The following RPS6KC1 variants were observed in gnomAD, a reference collection of about 807,000 sequenced individuals.
The protein encoded by RPS6KC1 is inactive ribosomal protein S6 kinase delta-1.
RPS6KC1 carries 54 observed loss-of-function variants against 103.8 expected under a neutral mutation model. That is an observed-to-expected ratio of 0.52 (90% CI 0.42 to 0.65). The LOEUF (loss-of-function observed/expected upper bound fraction) is 0.65. Among genes scored for constraint, RPS6KC1 ranks in the 30% least tolerant of loss-of-function variants. RPS6KC1 has a pLI of 0.00. For missense variants in RPS6KC1, 1,151 were observed against 1,253.8 expected, an observed-to-expected ratio of 0.92 and a Z score of 1.24; for synonymous variants, 439 against 438.7, an observed-to-expected ratio of 1.00 and a Z score of -0.01.
the RPS6KC1 span, among the ~76,000 whole-genome samples, chr1:213,363,947 G>A: frequency 7.4e-4 from 112 of 151,530 alleles, no homozygotes; most frequent in Middle Eastern, 6.8e-3. Flanking sequence ...GGAGGCTGAC[G>A]TTGAGTATTT....
the RPS6KC1 span, among the ~76,000 whole-genome samples, chr1:213,439,325 T>G: frequency 6.6e-6 from 1 of 150,444 alleles, no homozygotes; most frequent in Non-Finnish European, 1.5e-5. Flanking sequence ...CCACCCATGT[T>G]TTATAATTCT....
At chr1:213,147,081 T>C (rs2087945413) in intron 6 of RPS6KC1, among the ~76,000 whole-genome samples, 1 of 152,216 alleles carries the variant, frequency 6.6e-6, no homozygotes, top group African/African-American at 2.4e-5. Context: ...GAGCATCTTA[T>C]ATATTCTATT....
At chr1:213,466,324 C>T in the RPS6KC1 span, among the ~76,000 whole-genome samples, 123 of 152,198 alleles carry the variant, frequency 8.1e-4, no homozygotes, top group Middle Eastern at 6.8e-3. Context: ...TATGGGAATA[C>T]AAGCTGAATG....
intron 5 of RPS6KC1, among the ~76,000 whole-genome samples, chr1:213,127,462 T>A (rs2085108992): frequency 6.6e-6 from 1 of 152,234 alleles, no homozygotes; most frequent in African/African-American, 2.4e-5. Flanking sequence ...GCACTCTGCA[T>A]ACTGAACTAC....
At chr1:213,183,405 A>G (rs888905349) in intron 8 of RPS6KC1, among the ~76,000 whole-genome samples, 5 of 152,160 alleles carry the variant, frequency 3.3e-5, no homozygotes, top group Non-Finnish European at 5.9e-5. Context: ...CTAGGGCCGA[A>G]AAACCTCAAC....
chr1:213,055,665 T>C (rs1469415685), intron 1 of RPS6KC1, among the ~76,000 whole-genome samples: 1 of 152,232 alleles, frequency 6.6e-6, no homozygotes, highest in Admixed American at 6.5e-5. Flanking sequence ...TTCTGGCTAT[T>C]CTAGATTGTT....
chr1:213,751,772 A>C, the RPS6KC1 span, among the ~76,000 whole-genome samples: 1 of 152,250 alleles, frequency 6.6e-6, no homozygotes, highest in Non-Finnish European at 1.5e-5. Context: ...ATGAAGTAGA[A>C]ATACAAATTC....
the RPS6KC1 span, among the ~76,000 whole-genome samples, chr1:213,461,688 C>G: frequency 2.0e-5 from 3 of 152,042 alleles, no homozygotes. Flanking sequence ...GAAGGGATTC[C>G]CTACTTAATG....
the RPS6KC1 span, among the ~76,000 whole-genome samples, chr1:213,378,120 T>C: frequency 6.6e-6 from 1 of 152,188 alleles, no homozygotes; most frequent in African/African-American, 2.4e-5. Context: ...GGAACTGAGG[T>C]ACGCTGTTGT....
the RPS6KC1 span, among the ~76,000 whole-genome samples, chr1:213,805,805 C>G: frequency 6.6e-6 from 1 of 152,226 alleles, no homozygotes; most frequent in African/African-American, 2.4e-5. Flanking sequence ...AGGGGAATCA[C>G]TATCTGTGGC....
chr1:213,120,891 A>G (rs1359784613), intron 5 of RPS6KC1, among the ~76,000 whole-genome samples: 3 of 152,318 alleles, frequency 2.0e-5, no homozygotes, highest in Admixed American at 1.3e-4. Context: ...CTTAAAATGC[A>G]GTCAACAGAT....
chr1:213,744,746 G>A, the RPS6KC1 span, among the ~76,000 whole-genome samples: 3 of 152,220 alleles, frequency 2.0e-5, no homozygotes, highest in Admixed American at 6.5e-5. Flanking sequence ...GGAGAGACCC[G>A]TTCTCCTTTC....
chr1:213,347,906 CAT>C, the RPS6KC1 span, among the ~76,000 whole-genome samples: 1 of 152,088 alleles, frequency 6.6e-6, no homozygotes, highest in Non-Finnish European at 1.5e-5. Context: ...GGCAATAGGA[CAT>C]AGCCATCTTT....
At chr1:213,368,049 C>T in the RPS6KC1 span, among the ~76,000 whole-genome samples, 2 of 152,136 alleles carry the variant, frequency 1.3e-5, no homozygotes, top group African/African-American at 2.4e-5. Context: ...GAGATATAGC[C>T]GGAGACCTGG....
the RPS6KC1 span, among the ~76,000 whole-genome samples, chr1:213,335,801 AT>A: frequency 2.0e-3 from 298 of 152,310 alleles, 1 homozygote; most frequent in African/African-American, 7.0e-3. Flanking sequence ...ATCTCACCAT[AT>A]TTTGCTTATT....
the RPS6KC1 span, among the ~76,000 whole-genome samples, chr1:213,814,312 G>A: frequency 6.6e-6 from 1 of 152,246 alleles, no homozygotes; most frequent in East Asian, 1.9e-4. Flanking sequence ...ACCAACGGGA[G>A]CAGTAAACCT....
the RPS6KC1 span, among the ~76,000 whole-genome samples, chr1:213,813,750 G>A: frequency 6.6e-6 from 1 of 152,160 alleles, no homozygotes; most frequent in African/African-American, 2.4e-5. Flanking sequence ...CTTGGAAGTG[G>A]GGGAGCAGGG....
At chr1:213,790,749 G>A in the RPS6KC1 span, among the ~76,000 whole-genome samples, 2 of 152,100 alleles carry the variant, frequency 1.3e-5, no homozygotes. Flanking sequence ...TCACTGAAGT[G>A]GAAATATTTG....
At chr1:213,310,450 TC>T in the RPS6KC1 span, among the ~76,000 whole-genome samples, 7 of 152,204 alleles carry the variant, frequency 4.6e-5, no homozygotes, top group Non-Finnish European at 7.3e-5. Flanking sequence ...ACTTTTTTTT[TC>T]CCTCTGCCTG....
Sources: gnomAD v4.1 joint callset for allele counts (sites outside exome capture counted in the v4.1 genomes callset) on GRCh38, gnomAD v4.1.1 for gene constraint, MANE v1.5 for transcripts, NCBI Gene and HGNC (gene_info 2026-07-23, HGNC 2026-07-21) for gene names.